The following MYO7A variants were observed in gnomAD, a reference collection of about 807,000 sequenced individuals.
MYO7A encodes unconventional myosin-VIIa.
A neutral mutation model predicts 263.8 loss-of-function variants in MYO7A; 210 were observed. That is an observed-to-expected ratio of 0.80 (90% confidence interval 0.71 to 0.89). The LOEUF (loss-of-function observed/expected upper bound fraction) is 0.89, where lower values mean the gene tolerates loss of function less well. Ranked by LOEUF, MYO7A falls within the 40% of genes least tolerant of loss-of-function variation. The pLI, the probability that MYO7A is intolerant of heterozygous loss-of-function variation, is 0.00. For synonymous variants in MYO7A, 1,239 were observed against 1,197.3 expected, an observed-to-expected ratio of 1.03 and a Z score of -0.72; for missense variants, 2,820 against 2,968.3, an observed-to-expected ratio of 0.95 and a Z score of 1.16.
rs782384633 is a variant in MYO7A, at chr11:77,156,051, A to G, written c.430A>G (p.Asn144Asp). 4 of 1,613,976 alleles carry G rather than the reference A, an allele frequency of 2.5e-6. No individual in the cohort carries two copies. Among genetic ancestry groups the G allele is most frequent in the Non-Finnish European group, 3.4e-6 (4 of 1,179,888 alleles). The change falls in exon 5 of 49, where the codon AAC becomes GAC. Residue 144 changes from asparagine to aspartate, a missense_variant. Coordinates refer to ENST00000409709, the MANE Select transcript of MYO7A (RefSeq NM_000260.4). ...IFAIADNCYFNMKRNSRDQCC... is the reference protein window; with the variant it reads ...IFAIADNCYFDMKRNSRDQCC... ...TGCCATTGCTGACAACTGCTACTTCAACATGAAACGCAACAGCCGAGACCA... is the reference window on the plus strand; with the variant it reads ...TGCCATTGCTGACAACTGCTACTTCGACATGAAACGCAACAGCCGAGACCA...
At position 77,179,746 on chromosome 11, in the gene MYO7A, C is replaced by T; in HGVS notation, c.2379C>T (p.Gly793=). ...CRKNYGLMRL[G]FLRLQALHRS... Reference sequence around the variant, plus strand: ...GGCTGTCCTTGCAGATGCGTCTGGGCTTCCTGCGGCTGCAGGCCCTGCACC... The same window carrying T: ...GGCTGTCCTTGCAGATGCGTCTGGGTTTCCTGCGGCTGCAGGCCCTGCACC... Residue 793 remains glycine, a synonymous_variant, in exon 21 of 49, where the codon GGC becomes GGT. Coordinates refer to ENST00000409709, the MANE Select transcript of MYO7A (RefSeq NM_000260.4). The T allele has an allele frequency of 1.9e-6, 3 of 1,542,980 alleles. No individual in the cohort carries two copies. Among genetic ancestry groups the T allele is most frequent in the African/African-American group, 2.7e-5 (2 of 73,214 alleles).
Position 77,172,868 on chromosome 11 carries a change from G to A in MYO7A, c.1918G>A (p.Glu640Lys), listed in dbSNP as rs1555077319. 1.3e-6 allele frequency: 2 copies of A among 1,551,972 alleles called. No homozygotes were observed. Among genetic ancestry groups the A allele is most frequent in the Non-Finnish European group, 1.7e-6 (2 of 1,147,110 alleles). ...PFFVRCIKPN[E>K]FKKPMLFDRH... ...CTTTGTGCGATGCATCAAGCCCAAT[G>A]AGTTCAAGAAGCCCATGGTGAGTGG... Residue 640 changes from glutamate (E) to lysine (K), a missense_variant, in exon 16 of 49, where the codon GAG (glutamate) becomes AAG (lysine). Coordinates refer to ENST00000409709, the MANE Select transcript of MYO7A (RefSeq NM_000260.4).
intron 4 of MYO7A, among the ~76,000 whole-genome samples, chr11:77,153,775 G>A (rs991120699): frequency 6.6e-6 from 1 of 151,970 alleles, no homozygotes. Context: ...TGCTACCAGC[G>A]GCTGGGCCCC....
chr11:77,158,408 C>G lies in MYO7A; in HGVS notation c.981C>G (p.His327Gln). The G allele has an allele frequency of 6.2e-7, 1 of 1,612,448 alleles. No homozygotes were observed. Among genetic ancestry groups the G allele is most frequent in the Non-Finnish European group, 8.5e-7 (1 of 1,179,746 alleles). ...CGAAGCTCCTGGCTGCCATCCTGCA[C>G]CTGGGCAACCTGCAGTATGAGGGTG... ...EISKLLAAIL[H>Q]LGNLQYEART... Residue 327 changes from histidine to glutamine, a missense_variant, in exon 9 of 49, where the codon CAC (histidine) becomes CAG (glutamine). Physicochemically the swap from His to Gln is conservative, Grantham distance 24. Coordinates refer to ENST00000409709, the MANE Select transcript of MYO7A (RefSeq NM_000260.4).
At chr11:77,178,933 T>C in intron 19 of MYO7A, 112 bp from the exon 20 acceptor site, 1 of 793,520 alleles carries the variant, frequency 1.3e-6, no homozygotes, top group South Asian at 1.6e-5. Flanking sequence ...CCCAAGGTCA[T>C]ATAGCTAGGA....
At chr11:77,141,359 T>C (rs1951197450) in intron 2 of MYO7A, among the ~76,000 whole-genome samples, 1 of 152,192 alleles carries the variant, frequency 6.6e-6, no homozygotes, top group Non-Finnish European at 1.5e-5. Context: ...GGGTAGGGCC[T>C]GAAACCCAGT....
At chr11:77,159,580 T>C in intron 10 of MYO7A, 57 bp downstream of exon 10, 1 of 1,548,120 alleles carries the variant, frequency 6.5e-7, no homozygotes. Flanking sequence ...GGGTTGAGTT[T>C]AAGCTCATTG....
At chr11:77,147,222 C>G (rs1211190771) in intron 3 of MYO7A, among the ~76,000 whole-genome samples, 1 of 151,840 alleles carries the variant, frequency 6.6e-6, no homozygotes, top group Non-Finnish European at 1.5e-5. Flanking sequence ...CCCTCTGCCC[C>G]CCTCCCCCTA....
Position 77,160,150 on chromosome 11 carries a change from T to C in MYO7A, c.1081-13T>C, listed in dbSNP as rs1555067391. 1.9e-6 allele frequency: 3 copies of C among 1,551,076 alleles called. No individual in the cohort carries two copies. Among genetic ancestry groups the C allele is most frequent in the Admixed American group, 2.0e-5 (1 of 51,196 alleles). On this transcript the variant is annotated splice_polypyrimidine_tract_variant and intron_variant, in intron 10 of 48. Transcript: ENST00000409709. Reference sequence around the variant, plus strand: ...GGCTGGCAGGTGAGCACCTGGGGTGTTGCCTGTACCAGGTGAACCCCCCAG... The same window carrying C: ...GGCTGGCAGGTGAGCACCTGGGGTGCTGCCTGTACCAGGTGAACCCCCCAG...
At position 77,158,337 on chromosome 11, in the gene MYO7A, G is replaced by A. The variant is rs782124327; in HGVS notation, c.910G>A (p.Ala304Thr). 7.4e-6 allele frequency: 12 copies of A among 1,613,284 alleles called. No homozygotes were observed. The highest frequency in any genetic ancestry group is 1.3e-5 in the African/African-American group (1 of 75,018). The change falls in exon 9 of 49, where the codon GCC (alanine) becomes ACC (threonine). Residue 304 changes from alanine to threonine, a missense_variant. Ala to Thr is a moderately conservative substitution (Grantham distance 58). Coordinates refer to ENST00000409709, the MANE Select transcript of MYO7A (RefSeq NM_000260.4). ...DSQEYANIRS[A>T]MKVLMFTDTE... ...CCAGGAGTACGCCAACATCCGCTCC[G>A]CCATGAAGGTGCTCATGTTCACTGA... is the stretch of plus-strand genomic sequence containing the variant.
chr11:77,182,618 T>A lies in MYO7A; in HGVS notation c.3285+18T>A. Reference sequence around the variant, plus strand: ...AGGGCGAGGTGAGGCCAAGGTGCCCTCTGGATGATGTCCCTCCCAGGCCGA... The same window carrying A: ...AGGGCGAGGTGAGGCCAAGGTGCCCACTGGATGATGTCCCTCCCAGGCCGA... On this transcript the variant is annotated intron_variant, in intron 25 of 48. Transcript: ENST00000409709. 3 of 1,612,386 alleles carry A rather than the reference T, an allele frequency of 1.9e-6. No individual in the cohort carries two copies. The highest frequency in any genetic ancestry group is 2.5e-6 in the Non-Finnish European group (3 of 1,179,668).
intron 4 of MYO7A, among the ~76,000 whole-genome samples, chr11:77,149,652 C>T (rs953272926): frequency 3.9e-5 from 6 of 152,150 alleles, no homozygotes; most frequent in Non-Finnish European, 8.8e-5. Context: ...GGTCCTCAGC[C>T]ACTGTCTGAC....
intron 27 of MYO7A, 116 bp from the exon 28 acceptor site, chr11:77,189,228 T>C: frequency 6.8e-7 from 1 of 1,462,586 alleles, no homozygotes; most frequent in Non-Finnish European, 9.2e-7. Context: ...TCCCGGGTGG[T>C]CTTGGCAAGT....
intron 38 of MYO7A, 80 bp downstream of exon 38, chr11:77,203,297 G>A: frequency 4.1e-6 from 6 of 1,468,454 alleles, no homozygotes; most frequent in Non-Finnish European, 5.5e-6. Flanking sequence ...TCCTCCTGAG[G>A]GCCTGCTGCG....
At chr11:77,212,075 A>G in intron 46 of MYO7A, 138 bp downstream of exon 46, 1 of 764,750 alleles carries the variant, frequency 1.3e-6, no homozygotes, top group South Asian at 1.5e-5. Context: ...CAGCACCCTC[A>G]GCCTTGTCCC....
chr11:77,207,432 G>A, intron 42 of MYO7A, 30 bp downstream of exon 42: 1 of 1,491,134 alleles, frequency 6.7e-7, no homozygotes, highest in Non-Finnish European at 9.2e-7. Context: ...CGCCAAGGTG[G>A]GAGATTTGCT....
At chr11:77,214,119 G>T in intron 48 of MYO7A, 140 bp downstream of exon 48, 5 of 1,227,602 alleles carry the variant, frequency 4.1e-6, no homozygotes, top group Non-Finnish European at 5.7e-6. Flanking sequence ...GCCAAGGTCA[G>T]GTCAGTTTGA....
At chr11:77,193,134 CTGTTGGTGATCGTGGAGGTAGCGATGG>C (rs1956324943) in intron 31 of MYO7A, among the ~76,000 whole-genome samples, 4 of 30,412 alleles carry the variant, frequency 1.3e-4, no homozygotes, top group African/African-American at 3.2e-4. Context: ...GGTAGCGATG[CTGTTGGTGATCGTGGAGGTAGCGATGG>C]TGTTGGTGAT....
rs115654929 is a variant in MYO7A, at chr11:77,183,838, G to T, written c.3375+681G>T. Among the ~76,000 whole-genome samples the T allele has an allele frequency of 7.9e-3, 1,196 of 152,312 alleles. 20 individuals are homozygous for T. Among genetic ancestry groups the T allele is most frequent in the African/African-American group, 0.028 (1,157 of 41,564 alleles). On this transcript the variant is annotated intron_variant, in intron 26 of 48. Coordinates refer to ENST00000409709, the MANE Select transcript of MYO7A (RefSeq NM_000260.4). ...GGGCTCCCACTTCACCTCTGCCCTT[G>T]TCCTGTCCCCACCTGAGGCACAAAT...
Sources: gnomAD v4.1 joint callset for allele counts (sites outside exome capture counted in the v4.1 genomes callset) on GRCh38, gnomAD v4.1.1 for gene constraint, MANE v1.5 for transcripts, NCBI Gene and HGNC (gene_info 2026-07-23, HGNC 2026-07-21) for gene names.